The following ANKMY1 variants were observed in gnomAD, a reference collection of about 807,000 sequenced individuals.
The protein encoded by ANKMY1 is ankyrin repeat and MYND domain-containing protein 1.
Under a neutral mutation model 102.0 loss-of-function variants are expected in ANKMY1, and 98 were observed. The observed-to-expected ratio is 0.96, with a 90% CI of 0.82 to 1.14. The LOEUF (loss-of-function observed/expected upper bound fraction) is 1.14. Among genes scored for constraint, ANKMY1 ranks in the 50% most tolerant of loss-of-function variants. The probability of loss-of-function intolerance (pLI) is 0.00; values close to 1 mark genes in which losing one functional copy is unlikely to be tolerated. For missense variants in ANKMY1, 1,330 were observed against 1,347.6 expected (o/e 0.99, Z 0.20); for synonymous variants, 582 against 559.9 (o/e 1.04, Z -0.56).
rs752050815 is a variant in ANKMY1 at position 240,529,369 on chromosome 2, G to T, written c.621C>A (p.Tyr207Ter). Residue 207 changes from tyrosine (Y) to a stop codon, truncating the protein, a stop_gained, in exon 5 of 18, where the codon TAC becomes TAA. Transcript: ENST00000401804. LOFTEE classifies it high-confidence loss of function. The surrounding 1 kb of genome is among the most constrained non-coding windows in gnomAD (Gnocchi z 4.2). ...GGGTGATGAAGCTGGAGAACTCAGGGTATCTGAGGAGGGAGAAGCCACTGG... is the reference window on the plus strand; with the variant it reads ...GGGTGATGAAGCTGGAGAACTCAGGTTATCTGAGGAGGGAGAAGCCACTGG... Reference protein sequence around the residue: ...QIPSGFSLLRYPEFSSFITHS... With the variant: ...QIPSGFSLLR 1.2e-6 allele frequency: 2 copies of T among 1,614,054 alleles called. No homozygotes were observed. The highest frequency in any genetic ancestry group is 1.3e-5 in the African/African-American group (1 of 74,940).
intron 4 of ANKMY1, among the ~76,000 whole-genome samples, chr2:240,546,710 A>C (rs1398337146): frequency 2.6e-5 from 4 of 152,178 alleles, no homozygotes; most frequent in South Asian, 2.1e-4. Flanking sequence ...GGGTTGCAAT[A>C]CTAGTCTCTG....
At chr2:240,486,302 C>T (rs2076050764) in intron 15 of ANKMY1, among the ~76,000 whole-genome samples, 1 of 152,144 alleles carries the variant, frequency 6.6e-6, no homozygotes, top group Non-Finnish European at 1.5e-5. Context: ...TATGCAACCA[C>T]ACACGCATGC....
chr2:240,541,462 G>A (rs1247024756), intron 4 of ANKMY1, among the ~76,000 whole-genome samples: 1 of 151,772 alleles, frequency 6.6e-6, no homozygotes, highest in Non-Finnish European at 1.5e-5. Flanking sequence ...CTGTTCAATG[G>A]GAAAGCAAGA....
the ANKMY1 span, among the ~76,000 whole-genome samples, chr2:240,471,260 C>CTTTTT: frequency 4.5e-4 from 61 of 136,162 alleles, no homozygotes; most frequent in African/African-American, 1.6e-3. Context: ...AACTCAAATT[C>CTTTTT]TTTTTTTTTT....
At chr2:240,525,292 C>T (rs934609085) in intron 7 of ANKMY1, among the ~76,000 whole-genome samples, 3 of 152,248 alleles carry the variant, frequency 2.0e-5, no homozygotes, top group African/African-American at 7.2e-5. Flanking sequence ...GTGTGGTGAG[C>T]AGCAGGACTG....
At chr2:240,521,272 T>C (rs1354906647) in intron 8 of ANKMY1, among the ~76,000 whole-genome samples, 1 of 152,116 alleles carries the variant, frequency 6.6e-6, no homozygotes, top group Non-Finnish European at 1.5e-5. Flanking sequence ...CCTTGAGCAC[T>C]TGAGCAGCAG....
At chr2:240,508,889 G>C (rs2079573270) in intron 12 of ANKMY1, among the ~76,000 whole-genome samples, 1 of 151,844 alleles carries the variant, frequency 6.6e-6, no homozygotes, top group African/African-American at 2.4e-5. Flanking sequence ...TGGATGGACA[G>C]ACGGATGGGT....
At chr2:240,534,396 C>T (rs754724086) in intron 4 of ANKMY1, among the ~76,000 whole-genome samples, 3 of 152,136 alleles carry the variant, frequency 2.0e-5, no homozygotes, top group Admixed American at 6.5e-5. Flanking sequence ...CACTTGAGCC[C>T]GGGAGTTTGA....
At chr2:240,500,594 G>T in intron 13 of ANKMY1, 29 bp from the exon 14 acceptor site, 5 of 1,595,612 alleles carry the variant, frequency 3.1e-6, no homozygotes, top group Non-Finnish European at 4.3e-6. Flanking sequence ...GGTCAAACAC[G>T]CAAGGACATC....
At chr2:240,518,416 A>G (rs968433997) in intron 9 of ANKMY1, among the ~76,000 whole-genome samples, 10 of 152,092 alleles carry the variant, frequency 6.6e-5, no homozygotes, top group Non-Finnish European at 1.0e-4. Context: ...ACACGTGGTT[A>G]TATTTCTTCC....
intron 17 of ANKMY1, among the ~76,000 whole-genome samples, chr2:240,480,016 C>T (rs2075176456): frequency 6.6e-6 from 1 of 152,142 alleles, no homozygotes; most frequent in Non-Finnish European, 1.5e-5. Flanking sequence ...TCGAGACCAT[C>T]CTGGCTAACA....
upstream of ANKMY1, among the ~76,000 whole-genome samples, chr2:240,559,865 A>G (rs1362928714): frequency 1.3e-5 from 2 of 152,244 alleles, no homozygotes; most frequent in Non-Finnish European, 2.9e-5. Flanking sequence ...TGAAACTTCA[A>G]TTGCTAAATG....
rs144227842 is a variant in ANKMY1, at chr2:240,486,547, C to A, written c.2807-4286G>T. On this transcript the variant is annotated intron_variant, in intron 15 of 17. Coordinates refer to ENST00000401804, the MANE Select transcript of ANKMY1 (RefSeq NM_001282771.3). ...TATTTCTTGTAAGGGAAGGCTATAA[C>A]AACCAATTCTCACAGGTTTTATCTG... 1.2e-4 allele frequency among the ~76,000 whole-genome samples: 18 copies of A among 152,336 alleles called. No homozygotes were observed. The East Asian group carries it at 3.5e-3, about 29-fold the overall frequency.
intron 4 of ANKMY1, among the ~76,000 whole-genome samples, chr2:240,543,459 A>G (rs1015994350): frequency 6.6e-6 from 1 of 152,096 alleles, no homozygotes; most frequent in African/African-American, 2.4e-5. Context: ...ACATTTTGAG[A>G]TATCAGGGTT....
In ANKMY1 at chr2:240,525,770, G is replaced by A. The variant is rs374902226; in HGVS notation, c.1250C>T (p.Thr417Met). The A allele has an allele frequency of 1.2e-4, 187 of 1,614,140 alleles. No individual in the cohort carries two copies. The highest frequency in any genetic ancestry group is 1.6e-4 in the Middle Eastern group (1 of 6,062). ...GAGGAGGAAACACATGCTGAGTGCCGTGAGACCCTCATCTGAGCACTTGTT... is the reference window on the plus strand; with the variant it reads ...GAGGAGGAAACACATGCTGAGTGCCATGAGACCCTCATCTGAGCACTTGTT... ...DVNKCSDEGL[T>M]ALSMCFLLHY... Residue 417 changes from threonine (T) to methionine (M), a missense_variant, in exon 7 of 18, where the codon ACG becomes ATG. Thr to Met is a moderately conservative substitution (Grantham distance 81, BLOSUM62 -1). Transcript: ENST00000401804.
intron 8 of ANKMY1, 59 bp downstream of exon 8, chr2:240,523,826 G>C: frequency 6.4e-7 from 1 of 1,574,666 alleles, no homozygotes; most frequent in Middle Eastern, 1.9e-4. Flanking sequence ...GGTCTGCTGA[G>C]CATAGGATTC....
At chr2:240,525,429 G>A (rs2083159272) in intron 7 of ANKMY1, among the ~76,000 whole-genome samples, 1 of 152,212 alleles carries the variant, frequency 6.6e-6, no homozygotes, top group Admixed American at 6.5e-5. Flanking sequence ...CCCCTTTCCT[G>A]CACAGTGCTG....
Position 240,507,617 on chromosome 2 carries a change from A to G in ANKMY1, c.2469T>C (p.Cys823=), listed in dbSNP as rs138163943. 15 of 1,611,804 alleles carry G rather than the reference A, an allele frequency of 9.3e-6. No individual in the cohort carries two copies. In the African/African-American group the frequency reaches 2.0e-4, roughly 22 times the overall value. The change falls in exon 13 of 18, where the codon TGT becomes TGC. Residue 823 remains cysteine (C), a synonymous_variant. Coordinates refer to ENST00000401804, the MANE Select transcript of ANKMY1 (RefSeq NM_001282771.3). ...GCTCGTAGGTCAGGTCACAGGCAAC[A>G]CACAGGGCACTGCCCAAGCCTTTGG... ...PLTKGLGSAL[C]VACDLTYEHQ... is the part of the protein sequence containing the mutation.
At position 240,499,904 on chromosome 2, in the gene ANKMY1, A is replaced by T; in HGVS notation, c.2806+54T>A. The T allele has an allele frequency of 6.5e-7, 1 of 1,544,766 alleles. No individual in the cohort carries two copies. The highest frequency in any genetic ancestry group is 1.2e-5 in the South Asian group (1 of 82,818). ...ATCTCCAGGGATAACAGCCCCAGGCACGAGGCCGGAACGCCGCCCTGTGGA... is the reference window on the plus strand; with the variant it reads ...ATCTCCAGGGATAACAGCCCCAGGCTCGAGGCCGGAACGCCGCCCTGTGGA... On this transcript the variant is annotated intron_variant, in intron 15 of 17. Coordinates refer to ENST00000401804, the MANE Select transcript of ANKMY1 (RefSeq NM_001282771.3). This position sits in a 1 kb window ranked among gnomAD's most constrained non-coding sequence, Gnocchi z 4.2.
Sources: gnomAD v4.1 joint callset for allele counts (sites outside exome capture counted in the v4.1 genomes callset) on GRCh38, gnomAD v4.1.1 for gene constraint, Gnocchi (gnomAD v3.1) non-coding constraint, MANE v1.5 for transcripts, NCBI Gene and HGNC (gene_info 2026-07-23, HGNC 2026-07-21) for gene names.